The following SOX5 variants were observed in gnomAD, a reference collection of about 807,000 sequenced individuals.
SOX5 encodes the protein SRY-box transcription factor 5.
A neutral mutation model predicts 92.0 loss-of-function variants in SOX5; 9 were observed. That is an observed-to-expected ratio of 0.10 (90% CI 0.06 to 0.17). SOX5 has a LOEUF of 0.17. SOX5 is among the 10% of genes least tolerant of loss of function. The pLI, the probability that SOX5 is intolerant of heterozygous loss-of-function variation, is 1.00. For missense variants in SOX5, 642 were observed against 944.5 expected, an observed-to-expected ratio of 0.68 and a Z score of 4.20; for synonymous variants, 344 against 336.3, an observed-to-expected ratio of 1.02 and a Z score of -0.25.
chr12:23,742,448 A>G (rs1348627833), intron 4 of SOX5, among the ~76,000 whole-genome samples: 1 of 152,214 alleles, frequency 6.6e-6, no homozygotes, highest in Non-Finnish European at 1.5e-5. Context: ...GGATTCCATC[A>G]GAATGAATGA....
At chr12:24,039,495 C>G (rs1470149046) in intron 4 of SOX5, among the ~76,000 whole-genome samples, 2 of 151,950 alleles carry the variant, frequency 1.3e-5, no homozygotes, top group Non-Finnish European at 2.9e-5. Context: ...ATTGTTGCAA[C>G]CAGAAAAAAA....
chr12:24,263,132 A>G (rs1594926027), intron 3 of SOX5, among the ~76,000 whole-genome samples: 1 of 152,130 alleles, frequency 6.6e-6, no homozygotes, highest in East Asian at 1.9e-4. Context: ...AGGCTGAGAC[A>G]GGAGAATTGC....
At chr12:24,461,301 AC>A (rs1166085746) in intron 1 of SOX5, among the ~76,000 whole-genome samples, 1 of 152,124 alleles carries the variant, frequency 6.6e-6, no homozygotes, top group Non-Finnish European at 1.5e-5. Context: ...CTAGTTTTGA[AC>A]ACAGTGAATT....
chr12:23,549,173 C>G (rs1943707396), intron 11 of SOX5, among the ~76,000 whole-genome samples: 1 of 151,852 alleles, frequency 6.6e-6, no homozygotes, highest in Non-Finnish European at 1.5e-5. Context: ...ATAAATTACT[C>G]TTTTCTAAAT....
intron 2 of SOX5, among the ~76,000 whole-genome samples, chr12:24,297,419 A>G (rs1947394553): frequency 6.6e-6 from 1 of 152,242 alleles, no homozygotes; most frequent in Non-Finnish European, 1.5e-5. Context: ...GCTGAAAAGC[A>G]GCCCAATACC....
intron 3 of SOX5, among the ~76,000 whole-genome samples, chr12:23,831,974 AC>A (rs1568153979): frequency 6.6e-6 from 1 of 151,614 alleles, no homozygotes; most frequent in East Asian, 1.9e-4. Flanking sequence ...ACACACACAC[AC>A]ACACACACAG....
At chr12:23,761,525 C>G (rs1044605714) in intron 3 of SOX5, among the ~76,000 whole-genome samples, 1 of 151,990 alleles carries the variant, frequency 6.6e-6, no homozygotes, top group Non-Finnish European at 1.5e-5. Flanking sequence ...CTGGTTTAGA[C>G]CAAACTTTTC....
intron 4 of SOX5, among the ~76,000 whole-genome samples, chr12:23,975,540 T>G (rs921132093): frequency 3.3e-5 from 5 of 152,094 alleles, no homozygotes; most frequent in African/African-American, 1.2e-4. Flanking sequence ...TTCCAGAAGC[T>G]CTGGAACGCT....
chr12:23,998,207 T>C (rs1951222786), intron 4 of SOX5, among the ~76,000 whole-genome samples: 1 of 152,090 alleles, frequency 6.6e-6, no homozygotes. Context: ...GAAAATGTGA[T>C]GGCAATGATT....
At chr12:24,132,276 T>G (rs928275541) in intron 4 of SOX5, among the ~76,000 whole-genome samples, 2 of 152,176 alleles carry the variant, frequency 1.3e-5, no homozygotes, top group Non-Finnish European at 2.9e-5. Flanking sequence ...ATGTATATCC[T>G]GTGTGCAACT....
At chr12:23,786,092 G>A (rs2095372308) in intron 3 of SOX5, among the ~76,000 whole-genome samples, 1 of 151,844 alleles carries the variant, frequency 6.6e-6, no homozygotes, top group Admixed American at 6.5e-5. Flanking sequence ...TTTTTAAAAA[G>A]AACCATGAAA....
chr12:23,565,037 C>T (rs759867636), intron 10 of SOX5, among the ~76,000 whole-genome samples: 7 of 151,978 alleles, frequency 4.6e-5, no homozygotes, highest in Non-Finnish European at 1.0e-4. Flanking sequence ...CCAGTGTAGG[C>T]GATAGAAAAG....
intron 4 of SOX5, among the ~76,000 whole-genome samples, chr12:24,195,484 T>C (rs537337334): frequency 2.0e-4 from 31 of 152,336 alleles, no homozygotes; most frequent in East Asian, 3.9e-4. Context: ...TTTTTTTGTA[T>C]TGATCATCTT....
intron 4 of SOX5, among the ~76,000 whole-genome samples, chr12:23,960,987 T>C (rs905442664): frequency 6.6e-6 from 1 of 152,184 alleles, no homozygotes; most frequent in African/African-American, 2.4e-5. Context: ...TAATCTACTA[T>C]GTTTTTTAAA....
At chr12:24,183,338 C>T (rs578045187) in intron 4 of SOX5, among the ~76,000 whole-genome samples, 13 of 152,132 alleles carry the variant, frequency 8.5e-5, no homozygotes, top group African/African-American at 1.2e-4. Context: ...CATTCGTGCA[C>T]GAAGACACCA....
rs756073854 is a variant in SOX5 at position 24,091,639 on chromosome 12, T to C, written c.-2+121704A>G. Among the ~76,000 whole-genome samples the C allele has an allele frequency of 9.2e-5, 14 of 152,052 alleles. No homozygotes were observed. In the South Asian group the frequency reaches 2.3e-3, roughly 25 times the overall value. On this transcript the variant is annotated intron_variant, in intron 4 of 4. Coordinates refer to the SOX5 transcript ENST00000446891. Reference sequence around the variant, plus strand: ...TATTTTATAGCAAATTTTAATAAAATAGTCCCATAATCAGATGAGACAGAG... The same window carrying C: ...TATTTTATAGCAAATTTTAATAAAACAGTCCCATAATCAGATGAGACAGAG...
At chr12:23,692,395 C>A (rs2089001526) in intron 6 of SOX5, among the ~76,000 whole-genome samples, 1 of 150,056 alleles carries the variant, frequency 6.7e-6, no homozygotes, top group African/African-American at 2.5e-5. Flanking sequence ...TGAGATTGCA[C>A]CACTGCACTT....
At chr12:24,063,921 T>C (rs1251230408) in intron 4 of SOX5, among the ~76,000 whole-genome samples, 1 of 152,126 alleles carries the variant, frequency 6.6e-6, no homozygotes, top group Non-Finnish European at 1.5e-5. Context: ...AATGAGGTAA[T>C]AAGTCAAATA....
chr12:24,225,535 A>C (rs574919146), intron 3 of SOX5, among the ~76,000 whole-genome samples: 3 of 152,290 alleles, frequency 2.0e-5, no homozygotes, highest in African/African-American at 7.2e-5. Context: ...AATAATTTCA[A>C]CAATGGCTAA....
Sources: gnomAD v4.1 joint callset for allele counts (sites outside exome capture counted in the v4.1 genomes callset) on GRCh38, gnomAD v4.1.1 for gene constraint, MANE v1.5 for transcripts, NCBI Gene and HGNC (gene_info 2026-07-23, HGNC 2026-07-21) for gene names.